The following MORF4L1 variants were observed in gnomAD, a reference collection of about 807,000 sequenced individuals.
MORF4L1 encodes mortality factor 4-like protein 1.
Under a neutral mutation model 52.9 loss-of-function variants are expected in MORF4L1, and 4 were observed. That is an observed-to-expected ratio of 0.08 (90% CI 0.04 to 0.17). The LOEUF (loss-of-function observed/expected upper bound fraction) is 0.17. MORF4L1 is among the 10% of genes least tolerant of loss of function. The pLI, the probability that MORF4L1 is intolerant of heterozygous loss-of-function variation, is 1.00. For synonymous variants in MORF4L1, 123 were observed against 134.8 expected (o/e 0.91, Z 0.61); for missense variants, 214 against 390.4 (o/e 0.55, Z 3.81).
intron 3 of MORF4L1, among the ~76,000 whole-genome samples, chr15:78,883,644 A>G (rs1428000364): frequency 6.6e-6 from 1 of 152,224 alleles, no homozygotes; most frequent in Admixed American, 6.5e-5. Context: ...AATAGCATCA[A>G]ATATTAGAGA....
At chr15:78,894,787 T>G (rs751404722) in intron 10 of MORF4L1, 33 bp from the exon 11 acceptor site, 2 of 1,512,498 alleles carry the variant, frequency 1.3e-6, no homozygotes, top group Middle Eastern at 1.7e-4. Flanking sequence ...CTGCCTTGGA[T>G]GTAACTTTGG....
At chr15:78,878,148 C>CT in intron 1 of MORF4L1, 65 bp from the exon 2 acceptor site, 3 of 1,512,526 alleles carry the variant, frequency 2.0e-6, no homozygotes, top group Non-Finnish European at 1.8e-6. Flanking sequence ...TGATGACTCT[C>CT]TAAGATGTTA....
chr15:78,885,769 A>G (rs1334747458), intron 3 of MORF4L1, among the ~76,000 whole-genome samples: 2 of 152,224 alleles, frequency 1.3e-5, no homozygotes, highest in Non-Finnish European at 2.9e-5. Context: ...GCTGGTTTTA[A>G]TTTTTAAAAA....
At chr15:78,878,682 T>C (rs1023116112) in intron 2 of MORF4L1, among the ~76,000 whole-genome samples, 3 of 152,238 alleles carry the variant, frequency 2.0e-5, no homozygotes, top group Non-Finnish European at 4.4e-5. Flanking sequence ...TGTTGATTGT[T>C]GATTTGTCTG....
intron 3 of MORF4L1, among the ~76,000 whole-genome samples, chr15:78,885,719 T>A (rs2056690809): frequency 6.6e-6 from 1 of 152,214 alleles, no homozygotes; most frequent in Admixed American, 6.5e-5. Flanking sequence ...GAGAATGAAA[T>A]GAAAACACAA....
chr15:78,894,208 G>C lies in MORF4L1; in HGVS notation c.780G>C (p.Ala260=), dbSNP rs765176747. The change falls in exon 10 of 12, where the codon GCG becomes GCC. Residue 260 remains alanine (A), a synonymous_variant. Coordinates refer to ENST00000426013, the MANE Select transcript of MORF4L1 (RefSeq NM_006791.4). ...PDAPMSQVYG[A]PHLLRLFVRI... ...CACCCATGTCCCAGGTGTATGGAGC[G>C]CCACATCTCCTGAGATTATTTGGTA... is the stretch of plus-strand genomic sequence containing the variant. 6 of 1,610,458 alleles carry C rather than the reference G, an allele frequency of 3.7e-6. No individual in the cohort carries two copies. In the South Asian group the frequency reaches 5.5e-5, roughly 15 times the overall value.
At chr15:78,878,466 C>T (rs2056536603) in intron 2 of MORF4L1, among the ~76,000 whole-genome samples, 1 of 152,138 alleles carries the variant, frequency 6.6e-6, no homozygotes, top group South Asian at 2.1e-4. Context: ...CTCTCTTCCA[C>T]TTTTCTTACT....
At chr15:78,894,392 A>G in intron 10 of MORF4L1, 162 bp downstream of exon 10, 3 of 534,848 alleles carry the variant, frequency 5.6e-6, no homozygotes, top group Non-Finnish European at 9.3e-6. Flanking sequence ...CAAGAGTTTT[A>G]AAAATCGTGT....
At chr15:78,876,328 G>T (rs144685178) in intron 1 of MORF4L1, among the ~76,000 whole-genome samples, 1 of 151,500 alleles carries the variant, frequency 6.6e-6, no homozygotes, top group Non-Finnish European at 1.5e-5. Flanking sequence ...TGATAATGGC[G>T]TGCAATATAT....
intron 2 of MORF4L1, among the ~76,000 whole-genome samples, chr15:78,879,346 C>T (rs958111823): frequency 1.3e-5 from 2 of 152,094 alleles, no homozygotes; most frequent in African/African-American, 2.4e-5. Flanking sequence ...CTCAGCCTCC[C>T]GAGTAGCTGG....
At chr15:78,886,287 T>C in intron 4 of MORF4L1, 60 bp downstream of exon 4, 1 of 1,398,926 alleles carries the variant, frequency 7.1e-7, no homozygotes, top group Non-Finnish European at 1.0e-6. Flanking sequence ...ATTCTGGACA[T>C]GGAATGAACA....
chr15:78,892,212 G>C lies in MORF4L1; in HGVS notation c.439G>C (p.Glu147Gln). Reference protein sequence around the residue: ...RARVDPTVENEETFMNRVEVK... With the variant: ...RARVDPTVENQETFMNRVEVK... ...TAATACTCCTCCTGTTTCTGTTTAG[G>C]AGGAAACATTCATGAACAGAGTTGA... Residue 147 changes from glutamate (E) to glutamine (Q), a missense_variant and splice_region_variant, in exon 8 of 12, where the codon GAG becomes CAG. Glu to Gln is a conservative substitution (Grantham distance 29). Transcript: ENST00000426013. The C allele has an allele frequency of 6.2e-7, 1 of 1,607,200 alleles. No homozygotes were observed. Among genetic ancestry groups the C allele is most frequent in the Non-Finnish European group, 8.5e-7 (1 of 1,175,496 alleles).
intron 1 of MORF4L1, chr15:78,877,696 A>G (rs572884964): frequency 1.3e-5 from 2 of 152,478 alleles, no homozygotes; most frequent in South Asian, 2.1e-4. Flanking sequence ...TAGCACCTAG[A>G]ACATCATTCC....
At chr15:78,882,982 A>G (rs572020344) in intron 3 of MORF4L1, among the ~76,000 whole-genome samples, 1 of 152,284 alleles carries the variant, frequency 6.6e-6, no homozygotes, top group Non-Finnish European at 1.5e-5. Context: ...TGGGAGGCCA[A>G]AACGGTTGGA....
chr15:78,876,906 C>G (rs1441062369), intron 1 of MORF4L1, among the ~76,000 whole-genome samples: 1 of 151,878 alleles, frequency 6.6e-6, no homozygotes, highest in Non-Finnish European at 1.5e-5. Context: ...TTTGGTGGGG[C>G]TTGAAAATAC....
intron 1 of MORF4L1, among the ~76,000 whole-genome samples, chr15:78,875,045 GTAGT>G (rs1401993443): frequency 6.6e-6 from 1 of 152,124 alleles, no homozygotes; most frequent in African/African-American, 2.4e-5. Context: ...CAAAATTAGG[GTAGT>G]TATTGTATTA....
intron 6 of MORF4L1, 21 bp from the exon 7 acceptor site, chr15:78,891,463 C>T (rs777131861): frequency 5.0e-6 from 8 of 1,594,618 alleles, no homozygotes; most frequent in South Asian, 1.1e-5. Flanking sequence ...AAATGAGACC[C>T]CTCCCCGCCA....
intron 9 of MORF4L1, 77 bp from the exon 10 acceptor site, chr15:78,893,981 C>G: frequency 1.5e-6 from 2 of 1,376,874 alleles, no homozygotes; most frequent in African/African-American, 1.5e-5. Context: ...GCTTTTAATT[C>G]TTTAAATTGG....
chr15:78,896,834 CATT>C, intron 11 of MORF4L1, 146 bp from the exon 12 acceptor site: 1 of 591,430 alleles, frequency 1.7e-6, no homozygotes. Context: ...CCTGAATTGT[CATT>C]ATGTGTGGTT....
Sources: gnomAD v4.1 joint callset for allele counts (sites outside exome capture counted in the v4.1 genomes callset) on GRCh38, gnomAD v4.1.1 for gene constraint, MANE v1.5 for transcripts, NCBI Gene and HGNC (gene_info 2026-07-23, HGNC 2026-07-21) for gene names.